The following SPATA17 variants were observed in gnomAD, a reference collection of about 807,000 sequenced individuals.
SPATA17 encodes the protein spermatogenesis associated 17.
In SPATA17, 53 loss-of-function variants were observed where a neutral mutation model predicts 62.2. The ratio of observed to expected loss-of-function variants is 0.85; its 90% CI spans 0.68 to 1.07. SPATA17 has a LOEUF of 1.07. Among genes scored for constraint, SPATA17 ranks in the 50% least tolerant of loss-of-function variants. The probability of loss-of-function intolerance (pLI) is 0.00; values close to 1 mark genes in which losing one functional copy is unlikely to be tolerated. For missense variants in SPATA17, 466 were observed against 425.5 expected (o/e 1.10, Z -0.84); for synonymous variants, 146 against 146.8 (o/e 0.99, Z 0.04).
At chr1:217,828,345 C>A (rs928464357) in intron 9 of SPATA17, among the ~76,000 whole-genome samples, 2 of 151,462 alleles carry the variant, frequency 1.3e-5, no homozygotes, top group African/African-American at 4.8e-5. Flanking sequence ...GTCTCTTTGA[C>A]AAATGATGCA....
chr1:217,674,240 G>A (rs1033560933), intron 4 of SPATA17, among the ~76,000 whole-genome samples: 2 of 152,184 alleles, frequency 1.3e-5, no homozygotes, highest in African/African-American at 4.8e-5. Flanking sequence ...CCCAGATTCT[G>A]AACTTCAGTT....
At chr1:217,797,771 A>G (rs1381750961) in intron 8 of SPATA17, among the ~76,000 whole-genome samples, 1 of 152,148 alleles carries the variant, frequency 6.6e-6, no homozygotes, top group Non-Finnish European at 1.5e-5. Flanking sequence ...AGTTTTGTAG[A>G]ACAGAGTACA....
intron 1 of SPATA17, among the ~76,000 whole-genome samples, chr1:217,636,651 T>A (rs1669948963): frequency 6.6e-6 from 1 of 152,186 alleles, no homozygotes; most frequent in Admixed American, 6.5e-5. Flanking sequence ...CTTGAACTCC[T>A]GGGCTCAAGC....
At chr1:217,723,930 T>C (rs1298830199) in intron 5 of SPATA17, among the ~76,000 whole-genome samples, 2 of 152,240 alleles carry the variant, frequency 1.3e-5, no homozygotes, top group Non-Finnish European at 2.9e-5. Flanking sequence ...TCAGCATGTC[T>C]GCTGCCACCC....
intron 4 of SPATA17, among the ~76,000 whole-genome samples, chr1:217,675,402 C>G (rs1306030035): frequency 1.3e-5 from 2 of 152,098 alleles, no homozygotes; most frequent in African/African-American, 4.8e-5. Flanking sequence ...TTGTTTTATG[C>G]CCATTTCATA....
intron 8 of SPATA17, among the ~76,000 whole-genome samples, chr1:217,790,226 G>A (rs984571577): frequency 2.6e-5 from 4 of 152,104 alleles, no homozygotes; most frequent in African/African-American, 9.7e-5. Context: ...GCCCATGAAA[G>A]ACAACTCGGG....
intron 9 of SPATA17, among the ~76,000 whole-genome samples, chr1:217,824,578 A>G (rs992858282): frequency 6.6e-6 from 1 of 151,042 alleles, no homozygotes; most frequent in South Asian, 2.1e-4. Flanking sequence ...CTGTTATTGT[A>G]TATGTTTTTA....
intron 9 of SPATA17, among the ~76,000 whole-genome samples, chr1:217,809,944 T>C (rs1425615111): frequency 2.0e-5 from 3 of 152,250 alleles, no homozygotes; most frequent in Admixed American, 6.5e-5. Flanking sequence ...GTATCCCATT[T>C]TCTCTTTGAC....
At chr1:217,667,583 CA>C (rs1449553016) in intron 3 of SPATA17, among the ~76,000 whole-genome samples, 1 of 152,120 alleles carries the variant, frequency 6.6e-6, no homozygotes, top group African/African-American at 2.4e-5. Context: ...CTGTTAAAAG[CA>C]AAGCCAGGAA....
At chr1:217,779,804 G>T (rs1185044493) in intron 7 of SPATA17, among the ~76,000 whole-genome samples, 7 of 151,912 alleles carry the variant, frequency 4.6e-5, no homozygotes, top group Non-Finnish European at 8.8e-5. Context: ...AGCTTTACTT[G>T]CCAGGTGAAT....
At chr1:217,851,771 G>A (rs934045751) in intron 9 of SPATA17, among the ~76,000 whole-genome samples, 2 of 152,106 alleles carry the variant, frequency 1.3e-5, no homozygotes, top group African/African-American at 2.4e-5. Flanking sequence ...TACAGAAGGA[G>A]ATAGACTGCC....
intron 9 of SPATA17, among the ~76,000 whole-genome samples, chr1:217,851,225 G>A (rs559252657): frequency 3.5e-4 from 53 of 152,030 alleles, no homozygotes; most frequent in African/African-American, 1.3e-3. Flanking sequence ...CTTCTATAGA[G>A]AAAATGCACC....
chr1:217,822,616 T>A (rs1674891840), intron 9 of SPATA17, among the ~76,000 whole-genome samples: 1 of 148,450 alleles, frequency 6.7e-6, no homozygotes, highest in Admixed American at 6.8e-5. Context: ...ATATGATATA[T>A]AATGATATGA....
intron 6 of SPATA17, among the ~76,000 whole-genome samples, chr1:217,764,323 G>A (rs997622423): frequency 6.6e-6 from 1 of 152,138 alleles, no homozygotes; most frequent in African/African-American, 2.4e-5. Context: ...CAGAATGTCA[G>A]ATTGTTGGAG....
Position 217,663,044 on chromosome 1 carries a change from A to T in SPATA17, c.241-5989A>T, listed in dbSNP as rs553730120. 1.4e-4 allele frequency among the ~76,000 whole-genome samples: 21 copies of T among 152,336 alleles called. No individual in the cohort carries two copies. The East Asian group carries it at 4.0e-3, about 29-fold the overall frequency. On this transcript the variant is annotated intron_variant, in intron 3 of 10. Coordinates refer to ENST00000366933, the MANE Select transcript of SPATA17 (RefSeq NM_138796.4). ...ACATTTTTATCATAATTATAATATA[A>T]GTTTAGATTTGGTTCACCTAATCTT...
chr1:217,769,216 AT>A (rs949061485), intron 6 of SPATA17, among the ~76,000 whole-genome samples: 2 of 152,248 alleles, frequency 1.3e-5, no homozygotes, highest in African/African-American at 4.8e-5. Flanking sequence ...GAGAAAAAAA[AT>A]CAAAGTGTAC....
intron 5 of SPATA17, among the ~76,000 whole-genome samples, chr1:217,696,168 G>A (rs1414633678): frequency 7.2e-5 from 11 of 152,100 alleles, no homozygotes; most frequent in Admixed American, 6.5e-4. Context: ...AGGACCCTCC[G>A]AGCCAGGTGT....
chr1:217,855,982 C>A (rs1675777807), intron 9 of SPATA17, among the ~76,000 whole-genome samples: 1 of 151,890 alleles, frequency 6.6e-6, no homozygotes, highest in African/African-American at 2.4e-5. Context: ...CCCTGAACCC[C>A]CCAAAGTGCT....
chr1:217,870,351 C>T lies in SPATA17; in HGVS notation c.*3332C>T, dbSNP rs541211289. The T allele has an allele frequency of 6.6e-6, 1 of 152,232 alleles. No individual in the cohort carries two copies. Among genetic ancestry groups the T allele is most frequent in the African/African-American group, 2.4e-5 (1 of 41,532 alleles). 9.4% of individuals were successfully genotyped at this position (152,232 alleles called of 1,614,324 possible). On this transcript the variant is annotated 3_prime_UTR_variant, in exon 11 of 11. Transcript: ENST00000366933. The stretch of plus-strand genomic sequence containing the variant: ...TATCGCTAGTGTATGTAAGTAATAT[C>T]ATTGTCCTTAACCACCATCTGCCTC...
Sources: gnomAD v4.1 joint callset for allele counts (sites outside exome capture counted in the v4.1 genomes callset) on GRCh38, gnomAD v4.1.1 for gene constraint, MANE v1.5 for transcripts, NCBI Gene and HGNC (gene_info 2026-07-23, HGNC 2026-07-21) for gene names.